CECR2: variants seen among roughly 807,000 people sequenced by gnomAD.
CECR2 encodes the protein CECR2 histone acetyl-lysine reader.
A neutral mutation model predicts 154.5 loss-of-function variants in CECR2; 30 were observed. The observed-to-expected ratio is 0.19, with a 90% confidence interval of 0.15 to 0.26. The LOEUF is 0.26. Among genes scored for constraint, CECR2 ranks in the 10% least tolerant of loss-of-function variants. CECR2 has a pLI of 1.00. For synonymous variants in CECR2, 725 were observed against 683.7 expected (o/e 1.06, Z -0.94); for missense variants, 1,743 against 1,829.3 (o/e 0.95, Z 0.86).
At chr22:17,377,601 A>G (rs1464076060) in intron 1 of CECR2, among the ~76,000 whole-genome samples, 1 of 152,118 alleles carries the variant, frequency 6.6e-6, no homozygotes, top group Non-Finnish European at 1.5e-5. Flanking sequence ...TCATGTCATC[A>G]ATAGCTAGAA....
chr22:17,402,300 T>A (rs151232806), intron 1 of CECR2, among the ~76,000 whole-genome samples: 1,968 of 152,272 alleles, frequency 0.013, 36 homozygotes, highest in African/African-American at 0.045. Context: ...TTTAACTTTT[T>A]AAAAAAATAA....
At chr22:17,405,871 A>T (rs112837353) in intron 1 of CECR2, among the ~76,000 whole-genome samples, 3 of 152,302 alleles carry the variant, frequency 2.0e-5, no homozygotes, top group African/African-American at 4.8e-5. Flanking sequence ...ACCTTAGTGC[A>T]CTGTCTAGAG....
At chr22:17,511,959 G>A (rs1429589074) in intron 8 of CECR2, 63 bp downstream of exon 8, 21 of 1,238,122 alleles carry the variant, frequency 1.7e-5, no homozygotes, top group Non-Finnish European at 2.4e-5. Flanking sequence ...TCCTTTTCAT[G>A]TACTTCCATT....
intron 1 of CECR2, among the ~76,000 whole-genome samples, chr22:17,426,618 A>T (rs1274806091): frequency 1.3e-5 from 2 of 152,204 alleles, no homozygotes; most frequent in Non-Finnish European, 2.9e-5. Context: ...CAGCCTCCCA[A>T]AGTGTTGGGA....
Position 17,407,230 on chromosome 22 carries a change from T to G in CECR2, c.126+37321T>G, listed in dbSNP as rs369069870. On this transcript the variant is annotated intron_variant, in intron 1 of 18. Coordinates refer to ENST00000262608, the MANE Select transcript of CECR2 (RefSeq NM_001290047.2). ...CAGTGTAAAATCATTTCCTTAGTTA[T>G]TTCAGTATAAGCTTGCATCATCCTA... Among the ~76,000 whole-genome samples the G allele has an allele frequency of 1.2e-4, 18 of 152,374 alleles. No individual in the cohort carries two copies. The East Asian group carries it at 3.3e-3, about 28-fold the overall frequency.
chr22:17,493,470 G>A (rs2055566879), intron 2 of CECR2, among the ~76,000 whole-genome samples: 1 of 152,102 alleles, frequency 6.6e-6, no homozygotes, highest in South Asian at 2.1e-4. Context: ...CTTAGCCAGT[G>A]CCTTTGCCCT....
chr22:17,378,390 G>A (rs1157212363), intron 1 of CECR2, among the ~76,000 whole-genome samples: 4 of 149,694 alleles, frequency 2.7e-5, no homozygotes, highest in Non-Finnish European at 4.4e-5. Context: ...TCTGCCTCCC[G>A]GGTTCACACC....
At chr22:17,538,349 T>C (rs2056468932) in intron 10 of CECR2, among the ~76,000 whole-genome samples, 171 bp from the exon 11 acceptor site, 1 of 152,248 alleles carries the variant, frequency 6.6e-6, no homozygotes. Context: ...AGGTCCACTG[T>C]CCCTCATTGT....
intron 2 of CECR2, among the ~76,000 whole-genome samples, chr22:17,491,815 C>T (rs900266702): frequency 2.6e-5 from 4 of 152,130 alleles, no homozygotes; most frequent in Non-Finnish European, 5.9e-5. Context: ...TTCATAAACA[C>T]ATGTAAAAAT....
At chr22:17,482,280 C>G (rs979281556) in intron 2 of CECR2, among the ~76,000 whole-genome samples, 1 of 151,178 alleles carries the variant, frequency 6.6e-6, no homozygotes, top group African/African-American at 2.4e-5. Flanking sequence ...AAAAATTAGC[C>G]GGGCGTGGTG....
chr22:17,523,388 A>G (rs2056192507), intron 8 of CECR2, among the ~76,000 whole-genome samples: 2 of 151,856 alleles, frequency 1.3e-5, no homozygotes, highest in African/African-American at 4.8e-5. Flanking sequence ...CAAAAAAAAA[A>G]AAGGAACTGT....
intron 1 of CECR2, among the ~76,000 whole-genome samples, chr22:17,385,113 G>A (rs2063243534): frequency 6.6e-6 from 1 of 152,162 alleles, no homozygotes; most frequent in Non-Finnish European, 1.5e-5. Context: ...TTGGCTTCAG[G>A]GAATGTTGTG....
At chr22:17,525,349 AAAG>A (rs1196227138) in intron 9 of CECR2, among the ~76,000 whole-genome samples, 1 of 150,516 alleles carries the variant, frequency 6.6e-6, no homozygotes, top group Non-Finnish European at 1.5e-5. Flanking sequence ...GAAAAGAAAG[AAAG>A]AAATGATGGC....
At chr22:17,534,827 A>T (rs369029523) in intron 9 of CECR2, 2 of 139,772 alleles carry the variant, frequency 1.4e-5, no homozygotes, top group African/African-American at 5.4e-5. Flanking sequence ...ATTGCACTCC[A>T]GCCTGGGCAA....
intron 2 of CECR2, among the ~76,000 whole-genome samples, chr22:17,483,053 G>A (rs1221142527): frequency 6.6e-6 from 1 of 152,146 alleles, no homozygotes; most frequent in East Asian, 1.9e-4. Flanking sequence ...TCCAGAAGAA[G>A]GCATTGTTAC....
rs2056041304 is a variant in CECR2 at position 17,515,778 on chromosome 22, C to G, written c.954+3882C>G. ...GCAAGCTCCACCTCCCAGGTTCAAG[C>G]CATTCTCCTGCCTCAGCCTCCCAAG... On this transcript the variant is annotated intron_variant, in intron 8 of 18. Transcript: ENST00000262608. 2.0e-5 allele frequency among the ~76,000 whole-genome samples: 3 copies of G among 152,050 alleles called. No individual in the cohort carries two copies. The South Asian group carries it at 6.2e-4, about 32-fold the overall frequency.
rs772013265 is a variant in CECR2 at position 17,542,893 on chromosome 22, C to T, written c.2750C>T (p.Pro917Leu). 11 of 1,613,956 alleles carry T rather than the reference C, an allele frequency of 6.8e-6. No homozygotes were observed. Among genetic ancestry groups the T allele is most frequent in the Middle Eastern group, 1.6e-4 (1 of 6,062 alleles). ...CACCCCCGTTTACCTGGCCCTTTTC[C>T]GCAGGTAGCTCACCCAATGTCAGTC... is the stretch of plus-strand genomic sequence containing the variant. ...PAHPRLPGPF[P>L]QVAHPMSVTV... Residue 917 changes from proline (P) to leucine (L), a missense_variant, in exon 16 of 19, where the codon CCG (proline) becomes CTG (leucine). Around this residue, in one of 4 missense-constraint regions of CECR2, gnomAD observed 1,250 missense variants for 1,192.1 expected, o/e 1.05. Transcript: ENST00000262608.
chr22:17,451,287 G>A (rs923801234), intron 1 of CECR2, among the ~76,000 whole-genome samples: 1 of 152,136 alleles, frequency 6.6e-6, no homozygotes, highest in Non-Finnish European at 1.5e-5. Context: ...ACAGGGAGTG[G>A]GACTGATACA....
intron 7 of CECR2, among the ~76,000 whole-genome samples, chr22:17,505,496 A>C (rs1296605575): frequency 7.2e-6 from 1 of 139,456 alleles, no homozygotes; most frequent in Admixed American, 7.2e-5. Flanking sequence ...TGTACACCCT[A>C]CTTCATGCAT....
Sources: allele counts gnomAD v4.1 joint callset (sites outside exome capture counted in the v4.1 genomes callset), GRCh38; gene constraint gnomAD v4.1.1; regional missense constraint gnomAD v4.1.1; transcripts MANE v1.5; gene names NCBI Gene and HGNC (gene_info 2026-07-23, HGNC 2026-07-21).